The following MAP4K3 variants were observed in gnomAD, a reference collection of about 807,000 sequenced individuals.
MAP4K3 encodes the protein mitogen-activated protein kinase kinase kinase kinase 3.
A neutral mutation model predicts 143.5 loss-of-function variants in MAP4K3; 94 were observed. The observed-to-expected ratio is 0.65, with a 90% CI of 0.55 to 0.78. MAP4K3 has a LOEUF of 0.78. MAP4K3 is among the 30% of genes least tolerant of loss of function. The pLI is 0.00. For missense variants in MAP4K3, 1,077 were observed against 1,068.1 expected (o/e 1.01, Z -0.12); for synonymous variants, 416 against 347.2 (o/e 1.20, Z -2.20).
rs549514791 is a variant in MAP4K3 at position 39,362,787 on chromosome 2, G to C, written c.155-6448C>G. Among the ~76,000 whole-genome samples, 15 of 152,254 alleles carry C rather than the reference G, an allele frequency of 9.9e-5. No individual in the cohort carries two copies. In the South Asian group the frequency reaches 2.3e-3, roughly 23 times the overall value. ...AAAAGCTGGAGGTCTCACACTCCTGGTTTCAAAACATATTACAAAGCTACA... is the reference window on the plus strand; with the variant it reads ...AAAAGCTGGAGGTCTCACACTCCTGCTTTCAAAACATATTACAAAGCTACA... On this transcript the variant is annotated intron_variant, in intron 2 of 33. Coordinates refer to ENST00000263881, the MANE Select transcript of MAP4K3 (RefSeq NM_003618.4).
At chr2:39,357,439 C>T (rs80202088) in intron 2 of MAP4K3, among the ~76,000 whole-genome samples, 1,762 of 152,320 alleles carry the variant, frequency 0.012, 11 homozygotes, top group Middle Eastern at 0.054. Flanking sequence ...TAAGCCCTGA[C>T]ATTTCTGGCC....
At chr2:39,371,133 G>T (rs1026692240) in intron 2 of MAP4K3, among the ~76,000 whole-genome samples, 23 of 152,110 alleles carry the variant, frequency 1.5e-4, no homozygotes, top group Admixed American at 5.9e-4. Flanking sequence ...CCATTGCAAT[G>T]AGGAAAACTA....
chr2:39,250,622 T>TA lies in MAP4K3; in HGVS notation c.2680dup (p.Tyr894LeufsTer8). 6.2e-7 allele frequency: 1 copy of TA among 1,613,498 alleles called. No homozygotes were observed. Among genetic ancestry groups the TA allele is most frequent in the Non-Finnish European group, 8.5e-7 (1 of 1,179,542 alleles). On this transcript the variant is annotated frameshift_variant, in exon 34 of 34. Coordinates refer to ENST00000263881, the MANE Select transcript of MAP4K3 (RefSeq NM_003618.4). LOFTEE classifies it high-confidence loss of function. ...ACTGTCAAAGCACAACAATTCTCAG[T>TA]AACTGTTTTCATGACCCGCCAGGAT...
In MAP4K3 at chr2:39,325,893, A is replaced by G. The variant is rs1489631194; in HGVS notation, c.725+6T>C. ...CCATAAAAGTAAATAACATAAAAAT[A>G]CTTACCATTTCATTTTATCCTTTAG... is the stretch of plus-strand genomic sequence containing the variant. On this transcript the variant is annotated splice_donor_region_variant and intron_variant, in intron 10 of 33. Coordinates refer to ENST00000263881, the MANE Select transcript of MAP4K3 (RefSeq NM_003618.4). 1 of 1,573,984 alleles carries G rather than the reference A, an allele frequency of 6.4e-7. No homozygotes were observed. The highest frequency in any genetic ancestry group is 2.2e-5 in the East Asian group (1 of 44,556).
intron 13 of MAP4K3, among the ~76,000 whole-genome samples, chr2:39,314,562 T>C (rs1348097221): frequency 6.6e-6 from 1 of 152,152 alleles, no homozygotes; most frequent in Non-Finnish European, 1.5e-5. Context: ...CTCCTGAGCT[T>C]TTTATATAAC....
chr2:39,311,403 G>C (rs1031617124), intron 13 of MAP4K3, among the ~76,000 whole-genome samples: 2 of 152,162 alleles, frequency 1.3e-5, no homozygotes, highest in African/African-American at 4.8e-5. Context: ...TCAGTATTTA[G>C]GTGGGTAGAC....
intron 1 of MAP4K3, among the ~76,000 whole-genome samples, chr2:39,432,869 C>T (rs752100590): frequency 2.0e-5 from 3 of 152,138 alleles, no homozygotes; most frequent in Non-Finnish European, 2.9e-5. Context: ...CTTAACAACA[C>T]GGCAGCCCGT....
At chr2:39,384,667 T>C (rs371703658) in intron 1 of MAP4K3, among the ~76,000 whole-genome samples, 22 of 152,268 alleles carry the variant, frequency 1.4e-4, no homozygotes, top group East Asian at 3.8e-4. Flanking sequence ...CATGTGCCTA[T>C]TGATCACTTA....
At chr2:39,322,011 C>T (rs1683326346) in intron 12 of MAP4K3, among the ~76,000 whole-genome samples, 1 of 149,450 alleles carries the variant, frequency 6.7e-6, no homozygotes, top group African/African-American at 2.5e-5. Context: ...GAACGCTGGT[C>T]CCCTGGGTCC....
At chr2:39,338,176 A>C (rs939106958) in intron 4 of MAP4K3, among the ~76,000 whole-genome samples, 2 of 152,192 alleles carry the variant, frequency 1.3e-5, no homozygotes, top group African/African-American at 4.8e-5. Context: ...ATGAATGTCT[A>C]AAGTAGTCAC....
chr2:39,365,308 T>C (rs890833056), intron 2 of MAP4K3, among the ~76,000 whole-genome samples: 5 of 152,198 alleles, frequency 3.3e-5, no homozygotes, highest in African/African-American at 4.8e-5. Context: ...AGTCTCATTA[T>C]GATGGTAACA....
At chr2:39,332,929 T>C (rs1043829368) in intron 7 of MAP4K3, among the ~76,000 whole-genome samples, 1 of 152,200 alleles carries the variant, frequency 6.6e-6, no homozygotes, top group South Asian at 2.1e-4. Context: ...TATTTGTTAT[T>C]AACTATTTCA....
chr2:39,358,883 G>C (rs1665685623), intron 2 of MAP4K3, among the ~76,000 whole-genome samples: 1 of 152,078 alleles, frequency 6.6e-6, no homozygotes, highest in African/African-American at 2.4e-5. Flanking sequence ...GGGGATTATG[G>C]GAACTACAAT....
At chr2:39,409,505 A>G (rs1667182570) in intron 1 of MAP4K3, among the ~76,000 whole-genome samples, 1 of 152,190 alleles carries the variant, frequency 6.6e-6, no homozygotes. Flanking sequence ...GAGGCAGGAG[A>G]ATCATTTGAA....
chr2:39,334,761 G>C (rs1477310834), intron 6 of MAP4K3, among the ~76,000 whole-genome samples: 1 of 152,120 alleles, frequency 6.6e-6, no homozygotes, highest in Non-Finnish European at 1.5e-5. Flanking sequence ...TTTAAGCTCT[G>C]GGGTTACAAT....
At position 39,288,114 on chromosome 2, in the gene MAP4K3, C is replaced by A; in HGVS notation, c.1474+7G>T. Reference sequence around the variant, plus strand: ...GTAACATATTTGCTGTCACCCTCCACCATTACCTAAGGCAACAGGTTTGTG... The same window carrying A: ...GTAACATATTTGCTGTCACCCTCCAACATTACCTAAGGCAACAGGTTTGTG... On this transcript the variant is annotated splice_region_variant and intron_variant, in intron 20 of 33. Coordinates refer to ENST00000263881, the MANE Select transcript of MAP4K3 (RefSeq NM_003618.4). 6.2e-7 allele frequency: 1 copy of A among 1,613,780 alleles called. No homozygotes were observed. Among genetic ancestry groups the A allele is most frequent in the Non-Finnish European group, 8.5e-7 (1 of 1,179,840 alleles).
chr2:39,279,162 T>A (rs1573087692), intron 23 of MAP4K3, among the ~76,000 whole-genome samples: 1 of 152,156 alleles, frequency 6.6e-6, no homozygotes, highest in Non-Finnish European at 1.5e-5. Flanking sequence ...AAGTGCCCGA[T>A]CTGTTTTTAA....
intron 12 of MAP4K3, among the ~76,000 whole-genome samples, chr2:39,315,866 A>G (rs1683099361): frequency 6.6e-6 from 1 of 152,114 alleles, no homozygotes; most frequent in Admixed American, 6.6e-5. Context: ...TTATTTTTCA[A>G]TTTATGAATT....
intron 32 of MAP4K3, among the ~76,000 whole-genome samples, chr2:39,253,742 G>C (rs1461311199): frequency 1.3e-5 from 2 of 152,204 alleles, no homozygotes; most frequent in Admixed American, 6.5e-5. Context: ...ACATGACTGA[G>C]ATTGGCTTGG....
Sources: gnomAD v4.1 joint callset for allele counts (sites outside exome capture counted in the v4.1 genomes callset) on GRCh38, gnomAD v4.1.1 for gene constraint, MANE v1.5 for transcripts, NCBI Gene and HGNC (gene_info 2026-07-23, HGNC 2026-07-21) for gene names.